Variants in CORIN observed in about 807,000 individuals in gnomAD.
CORIN encodes the protein corin, serine peptidase.
Under a neutral mutation model 125.3 loss-of-function variants are expected in CORIN, and 117 were observed. The observed-to-expected ratio is 0.93, with a 90% CI of 0.80 to 1.09. The LOEUF (loss-of-function observed/expected upper bound fraction) is 1.09, where lower values mean the gene tolerates loss of function less well. Among genes scored for constraint, CORIN ranks in the 50% least tolerant of loss-of-function variants. CORIN has a pLI of 0.00. For synonymous variants in CORIN, 450 were observed against 466.4 expected (o/e 0.96, Z 0.45); for missense variants, 1,253 against 1,306.7 (o/e 0.96, Z 0.63).
rs1725828148 is a variant in CORIN at position 47,692,855 on chromosome 4, C to T, written c.913+115G>A. The T allele has an allele frequency of 3.8e-5, 29 of 758,900 alleles. No individual in the cohort carries two copies. The South Asian group carries it at 4.5e-4, about 12-fold the overall frequency. 47.0% of individuals were successfully genotyped at this position (758,900 alleles called of 1,614,324 possible). On this transcript the variant is annotated intron_variant, in intron 6 of 21. Transcript: ENST00000273857. ...TGCTGTCATTCTGGGGGAAGATAAA[C>T]ACGTTTGCTCGCTTTAGAAAGGCAA...
intron 5 of CORIN, among the ~76,000 whole-genome samples, chr4:47,702,365 C>T (rs1357923943): frequency 6.6e-6 from 1 of 152,066 alleles, no homozygotes; most frequent in Non-Finnish European, 1.5e-5. Context: ...AAAATAGTCT[C>T]TTGCATACAT....
chr4:47,648,572 CTTGT>C (rs1239567744), intron 13 of CORIN, among the ~76,000 whole-genome samples: 1 of 152,172 alleles, frequency 6.6e-6, no homozygotes, highest in African/African-American at 2.4e-5. Context: ...AATGGAATAC[CTTGT>C]TTCTCTATAA....
chr4:47,767,370 AAAG>A (rs1344751866), intron 3 of CORIN, among the ~76,000 whole-genome samples: 4 of 148,418 alleles, frequency 2.7e-5, no homozygotes, highest in South Asian at 2.2e-4. Context: ...AAAGAAAAAA[AAAG>A]AAAAATATTC....
intron 19 of CORIN, among the ~76,000 whole-genome samples, chr4:47,608,533 C>T (rs898510777): frequency 7.2e-5 from 11 of 152,122 alleles, no homozygotes; most frequent in African/African-American, 2.2e-4. Flanking sequence ...TCCACCAATC[C>T]CAGGGAAAAC....
intron 5 of CORIN, among the ~76,000 whole-genome samples, chr4:47,733,758 C>A (rs1322914893): frequency 6.6e-6 from 1 of 152,176 alleles, no homozygotes; most frequent in Non-Finnish European, 1.5e-5. Flanking sequence ...ACAGTTCCCA[C>A]AGCATTATCA....
At chr4:47,811,328 T>A (rs1011567386) in intron 1 of CORIN, among the ~76,000 whole-genome samples, 8 of 152,144 alleles carry the variant, frequency 5.3e-5, no homozygotes, top group Admixed American at 5.2e-4. Flanking sequence ...GGGCTTTGGA[T>A]TTACATTAGG....
intron 19 of CORIN, among the ~76,000 whole-genome samples, chr4:47,622,298 C>A (rs974955977): frequency 4.0e-5 from 6 of 150,742 alleles, no homozygotes; most frequent in South Asian, 2.1e-4. Context: ...TGAATAATGC[C>A]GCAATAAACA....
At chr4:47,802,968 G>A (rs538007298) in intron 2 of CORIN, among the ~76,000 whole-genome samples, 4 of 152,206 alleles carry the variant, frequency 2.6e-5, no homozygotes, top group African/African-American at 7.2e-5. Context: ...CGAGAGTCTC[G>A]GCCTGGCAAT....
intron 9 of CORIN, among the ~76,000 whole-genome samples, chr4:47,675,225 A>G (rs73142039): frequency 1.7e-4 from 26 of 152,240 alleles, no homozygotes; most frequent in African/African-American, 6.0e-4. Context: ...ATTACTGCCC[A>G]TTCACTCTCT....
rs1437525221 is a variant in CORIN at position 47,804,733 on chromosome 4, GGGA to G, written c.208+2167_208+2169del. Among the ~76,000 whole-genome samples, 65 of 106,058 alleles carry G rather than the reference GGGA, an allele frequency of 6.1e-4. No individual in the cohort carries two copies. The East Asian group carries it at 8.3e-3, about 14-fold the overall frequency. The allele number at this position is 106,058 out of a possible 152,430, so 69.6% of individuals were successfully genotyped here. A position where few individuals can be genotyped will look rare whatever the true frequency, so the allele number is the denominator to read the frequency against. On this transcript the variant is annotated intron_variant, in intron 2 of 21. Coordinates refer to ENST00000273857, the MANE Select transcript of CORIN (RefSeq NM_006587.4). ...AGGCTGGGAAGGATGGTGGGGGGTG[GGGA>G]GGGGGGGGGTTGTTAATGGGTACAA...
chr4:47,793,715 A>T (rs1365878046), intron 2 of CORIN, among the ~76,000 whole-genome samples: 4 of 152,182 alleles, frequency 2.6e-5, no homozygotes, highest in Admixed American at 1.3e-4. Context: ...AATGCAGCAC[A>T]TTGGATAAAA....
chr4:47,810,494 A>C (rs1382740959), intron 1 of CORIN, among the ~76,000 whole-genome samples: 6 of 152,176 alleles, frequency 3.9e-5, no homozygotes, highest in Admixed American at 3.9e-4. Context: ...TGTTTCTTCT[A>C]TCTTAAGAAC....
At position 47,626,406 on chromosome 4, in the gene CORIN, C is replaced by T. The variant is rs758705192; in HGVS notation, c.2314G>A (p.Gly772Arg). The change falls in exon 17 of 22, where the codon GGG becomes AGG. Residue 772 changes from glycine (G) to arginine (R), a missense_variant and splice_region_variant. Coordinates refer to ENST00000273857, the MANE Select transcript of CORIN (RefSeq NM_006587.4). ...GTTLHELLVN[G>R]QSCESRSKIS... is the part of the protein sequence containing the mutation. The stretch of plus-strand genomic sequence containing the variant: ...CAGCTCTTATGAATGCATTCTTACC[C>T]ATTTACTAGAAGTTCATGTAAAGTG... 4 of 1,551,622 alleles carry T rather than the reference C, an allele frequency of 2.6e-6. No homozygotes were observed. The East Asian group carries it at 9.0e-5, about 35-fold the overall frequency.
intron 19 of CORIN, among the ~76,000 whole-genome samples, chr4:47,617,814 C>G (rs911266671): frequency 6.6e-6 from 1 of 152,208 alleles, no homozygotes. Context: ...TCAAACCAAA[C>G]TTCTCACTTC....
chr4:47,798,250 G>A (rs1731383073), intron 2 of CORIN, among the ~76,000 whole-genome samples: 1 of 152,100 alleles, frequency 6.6e-6, no homozygotes, highest in Non-Finnish European at 1.5e-5. Context: ...TTACCATCTT[G>A]ACTTTTTGCA....
At chr4:47,748,301 T>C (rs1486356780) in intron 4 of CORIN, among the ~76,000 whole-genome samples, 1 of 152,222 alleles carries the variant, frequency 6.6e-6, no homozygotes, top group Non-Finnish European at 1.5e-5. Flanking sequence ...TGTGTCTATA[T>C]CCAAGCAACA....
At chr4:47,627,767 T>C (rs1043634527) in intron 16 of CORIN, among the ~76,000 whole-genome samples, 3 of 152,224 alleles carry the variant, frequency 2.0e-5, no homozygotes, top group Non-Finnish European at 4.4e-5. Context: ...GAACTACCTA[T>C]GGACCTCCTA....
At chr4:47,819,032 A>G (rs1275996923) in intron 1 of CORIN, among the ~76,000 whole-genome samples, 1 of 152,188 alleles carries the variant, frequency 6.6e-6, no homozygotes, top group Non-Finnish European at 1.5e-5. Flanking sequence ...ATAGGTGAGT[A>G]CATAAGTACT....
chr4:47,711,460 T>C (rs1421808363), intron 5 of CORIN, among the ~76,000 whole-genome samples: 1 of 152,206 alleles, frequency 6.6e-6, no homozygotes, highest in East Asian at 1.9e-4. Context: ...TGCCATGTAC[T>C]TCCTCTCTGT....
Sources: allele counts gnomAD v4.1 joint callset (sites outside exome capture counted in the v4.1 genomes callset), GRCh38; gene constraint gnomAD v4.1.1; transcripts MANE v1.5; gene names NCBI Gene and HGNC (gene_info 2026-07-23, HGNC 2026-07-21).